GNG4: variants seen among roughly 807,000 people sequenced by gnomAD.
The protein encoded by GNG4 is G protein subunit gamma 4.
A neutral mutation model predicts 5.8 loss-of-function variants in GNG4; 4 were observed. The ratio of observed to expected loss-of-function variants is 0.69; its 90% CI spans 0.34 to 1.57. The LOEUF is 1.57. Among genes scored for constraint, GNG4 ranks in the 40% most tolerant of loss-of-function variants. The probability of loss-of-function intolerance (pLI) is 0.06; values close to 1 mark genes in which losing one functional copy is unlikely to be tolerated. For missense variants in GNG4, 96 were observed against 95.1 expected, an observed-to-expected ratio of 1.01 and a Z score of -0.04; for synonymous variants, 29 against 32.9, an observed-to-expected ratio of 0.88 and a Z score of 0.41.
rs182085928 is a variant in GNG4 at position 235,644,316 on chromosome 1, C to T, written c.-123+5346G>A. Among the ~76,000 whole-genome samples, 16 of 152,342 alleles carry T rather than the reference C, an allele frequency of 1.1e-4. No homozygotes were observed. Among genetic ancestry groups the T allele is most frequent in the Non-Finnish European group, 1.9e-4 (13 of 68,036 alleles). On this transcript the variant is annotated intron_variant, in intron 1 of 3. Transcript: ENST00000391854. The surrounding 1 kb of genome is among the most constrained non-coding windows in gnomAD (Gnocchi z 5.9). Reference sequence around the variant, plus strand: ...GAGAATTCAGTGGCCGGCAACACTGCCAGTTCCCCTTTATTTCCCTTGAGG... The same window carrying T: ...GAGAATTCAGTGGCCGGCAACACTGTCAGTTCCCCTTTATTTCCCTTGAGG...
chr1:235,619,420 T>G (rs1057391536), intron 1 of GNG4, among the ~76,000 whole-genome samples: 1 of 151,824 alleles, frequency 6.6e-6, no homozygotes, highest in African/African-American at 2.4e-5. Flanking sequence ...AAAGCATCAG[T>G]TTTGTTTTCC....
chr1:235,607,713 T>A (rs1191627356), intron 1 of GNG4, among the ~76,000 whole-genome samples: 1 of 152,112 alleles, frequency 6.6e-6, no homozygotes, highest in East Asian at 1.9e-4. Context: ...TTTTCAGTAT[T>A]CTTGCTAGGG....
At chr1:235,643,959 C>A (rs891374421) in intron 1 of GNG4, among the ~76,000 whole-genome samples, 3 of 152,206 alleles carry the variant, frequency 2.0e-5, no homozygotes, top group Non-Finnish European at 4.4e-5. Flanking sequence ...GGCGGGGACG[C>A]GGCAGAGCAG....
At chr1:235,571,531 G>T (rs113242841) in intron 3 of GNG4, among the ~76,000 whole-genome samples, 1,704 of 152,258 alleles carry the variant, frequency 0.011, 27 homozygotes, top group African/African-American at 0.039. Flanking sequence ...CATAATGAAT[G>T]GTGTTTGGGG....
intron 1 of GNG4, among the ~76,000 whole-genome samples, chr1:235,633,632 T>A (rs1477837979): frequency 6.6e-6 from 1 of 152,092 alleles, no homozygotes. Context: ...GGACTACAGG[T>A]GCATGCCACT....
chr1:235,552,359 A>G, intron 3 of GNG4, 122 bp from the exon 4 acceptor site: 1 of 870,142 alleles, frequency 1.1e-6, no homozygotes, highest in South Asian at 1.5e-5. Context: ...TGCACGGCCT[A>G]CAACATGGTC....
Position 235,648,228 on chromosome 1 carries a change from T to C in GNG4, c.-123+1434A>G, listed in dbSNP as rs1267941006. 6.6e-6 allele frequency among the ~76,000 whole-genome samples: 1 copy of C among 152,126 alleles called. No homozygotes were observed. Among genetic ancestry groups the C allele is most frequent in the Non-Finnish European group, 1.5e-5 (1 of 68,012 alleles). ...GGAAGTCCATTGTCCTAAATAGTCA[T>C]TTCAGCCTAACTAACCCCATGGTGA... On this transcript the variant is annotated intron_variant, in intron 1 of 3. Transcript: ENST00000391854. The surrounding 1 kb of genome is among the most constrained non-coding windows in gnomAD (Gnocchi z 5.0).
At chr1:235,611,724 TCA>T (rs1688477810) in intron 1 of GNG4, among the ~76,000 whole-genome samples, 1 of 152,158 alleles carries the variant, frequency 6.6e-6, no homozygotes, top group Non-Finnish European at 1.5e-5. Flanking sequence ...ATTGTGGGTC[TCA>T]GTTTCGACTG....
At chr1:235,555,070 TAGA>T (rs1168855391) in intron 3 of GNG4, among the ~76,000 whole-genome samples, 1 of 152,206 alleles carries the variant, frequency 6.6e-6, no homozygotes, top group African/African-American at 2.4e-5. Flanking sequence ...TTTTGCCCTC[TAGA>T]AGATCTCACT....
intron 1 of GNG4, among the ~76,000 whole-genome samples, chr1:235,611,829 G>A (rs770082558): frequency 3.9e-5 from 6 of 152,028 alleles, no homozygotes; most frequent in Non-Finnish European, 7.4e-5. Flanking sequence ...TTGGGAGGTC[G>A]AGGCGGGAGG....
rs186464656 is a variant in GNG4 at position 235,598,611 on chromosome 1, C to T, written c.-122-3100G>A. On this transcript the variant is annotated intron_variant, in intron 1 of 3. Transcript: ENST00000391854. ...GCAACAGAGACCCTTTCTCAAAAAA[C>T]CCCAAAAATATAAAATTAAAAAAAT... Among the ~76,000 whole-genome samples the T allele has an allele frequency of 2.0e-5, 3 of 151,938 alleles. No individual in the cohort carries two copies. The South Asian group carries it at 6.3e-4, about 32-fold the overall frequency.
chr1:235,563,522 G>A lies in GNG4; in HGVS notation c.100-11285C>T, dbSNP rs538775994. 9.4e-5 allele frequency among the ~76,000 whole-genome samples: 14 copies of A among 149,368 alleles called. 1 individual carries two copies. Among genetic ancestry groups the A allele is most frequent in the African/African-American group, 2.5e-4 (10 of 40,744 alleles). On this transcript the variant is annotated intron_variant, in intron 3 of 3. Transcript: ENST00000391854. ...TGATTGATTCACATCTATGAAATAT[G>A]AGGAAATTGGCTATACTGGACAATT...
chr1:235,597,588 CTGTGTGTGTGTGTGTGTGTGTG>C (rs386417904), intron 1 of GNG4, among the ~76,000 whole-genome samples: 1 of 74,268 alleles, frequency 1.3e-5, no homozygotes, highest in Non-Finnish European at 2.6e-5. Flanking sequence ...AACTTGTTTG[CTGTGTGTGTGTGTGTGTGTGTG>C]TGTGTGTGTG....
intron 2 of GNG4, among the ~76,000 whole-genome samples, chr1:235,588,415 C>G (rs1261117555): frequency 2.0e-5 from 3 of 152,122 alleles, no homozygotes; most frequent in Non-Finnish European, 4.4e-5. Flanking sequence ...CCCTTCTCTG[C>G]TGCTTCCTCC....
At chr1:235,619,252 C>T (rs922309438) in intron 1 of GNG4, among the ~76,000 whole-genome samples, 6 of 141,238 alleles carry the variant, frequency 4.2e-5, no homozygotes, top group Non-Finnish European at 7.5e-5. Context: ...AATTAATTAG[C>T]TGGGTGTGGT....
intron 3 of GNG4, 89 bp from the exon 4 acceptor site, chr1:235,552,326 G>T: frequency 2.5e-6 from 3 of 1,184,782 alleles, no homozygotes; most frequent in Non-Finnish European, 3.7e-6. Flanking sequence ...GAGGGGACAA[G>T]CCCTAGGGTA....
At chr1:235,608,149 G>A (rs1446222943) in intron 1 of GNG4, among the ~76,000 whole-genome samples, 2 of 151,948 alleles carry the variant, frequency 1.3e-5, no homozygotes, top group Non-Finnish European at 2.9e-5. Flanking sequence ...TGTTGGCCAG[G>A]ATGGTCTCGA....
At chr1:235,592,949 T>C (rs1185735191) in intron 2 of GNG4, among the ~76,000 whole-genome samples, 43 of 5,242 alleles carry the variant, frequency 8.2e-3, no homozygotes, top group South Asian at 0.032. Context: ...TCTGTAACAT[T>C]TTTTTTTTTT....
intron 1 of GNG4, among the ~76,000 whole-genome samples, chr1:235,610,949 G>A (rs747562560): frequency 9.9e-5 from 15 of 152,138 alleles, no homozygotes; most frequent in African/African-American, 1.9e-4. Context: ...TTTGCCAGGC[G>A]TGGTGGCCCA....
Sources: allele counts gnomAD v4.1 joint callset (sites outside exome capture counted in the v4.1 genomes callset), GRCh38; gene constraint gnomAD v4.1.1; non-coding constraint Gnocchi (gnomAD v3.1); transcripts MANE v1.5; gene names NCBI Gene and HGNC (gene_info 2026-07-23, HGNC 2026-07-21).